Variants in OXA1L observed in about 807,000 individuals in gnomAD.
OXA1L encodes mitochondrial inner membrane protein OXA1L.
OXA1L carries 42 observed loss-of-function variants against 52.2 expected under a neutral mutation model. The ratio of observed to expected loss-of-function variants is 0.80; its 90% confidence interval spans 0.63 to 1.04. The LOEUF is 1.04. OXA1L is among the 50% of genes least tolerant of loss of function. The pLI is 0.00. For synonymous variants in OXA1L, 239 were observed against 201.9 expected (o/e 1.18, Z -1.56); for missense variants, 572 against 555.0 (o/e 1.03, Z -0.31).
At chr14:22,766,790 C>T (rs2038408659) in intron 1 of OXA1L, 26 bp downstream of exon 1, 2 of 1,613,416 alleles carry the variant, frequency 1.2e-6, no homozygotes, top group East Asian at 2.2e-5. Context: ...GGCAGAGCAC[C>T]GGGATGCTGC....
chr14:22,767,592 G>C, intron 2 of OXA1L, 183 bp downstream of exon 2: 1 of 572,064 alleles, frequency 1.7e-6, no homozygotes, highest in South Asian at 2.5e-5. Flanking sequence ...ATGATTGAAA[G>C]TACAACAGGA....
At chr14:22,769,228 C>T (rs1481743555) in intron 3 of OXA1L, among the ~76,000 whole-genome samples, 1 of 152,154 alleles carries the variant, frequency 6.6e-6, no homozygotes, top group Non-Finnish European at 1.5e-5. Flanking sequence ...GCCTCTGGTA[C>T]CTTCCTTCTA....
Position 22,771,785 on chromosome 14 carries a change from T to G in OXA1L, c.*227T>G, listed in dbSNP as rs2038468609. 2 of 533,010 alleles carry G rather than the reference T, an allele frequency of 3.8e-6. No individual in the cohort carries two copies. Among genetic ancestry groups the G allele is most frequent in the Non-Finnish European group, 6.7e-6 (2 of 298,236 alleles). The allele number at this position is 533,010 out of a possible 1,614,324, so 33.0% of individuals were successfully genotyped here. ...AGAGTTAGTAAACCTCTGTACTACA[T>G]GCTGCTTCCTGATACTTATTGAACA... On this transcript the variant is annotated 3_prime_UTR_variant, in exon 10 of 10. Transcript: ENST00000612549.
At position 22,771,169 on chromosome 14, in the gene OXA1L, G is replaced by A. The variant is rs759986659; in HGVS notation, c.1091G>A (p.Ser364Asn). Residue 364 changes from serine (S) to asparagine (N), a missense_variant, in exon 8 of 10, where the codon AGC becomes AAC. Transcript: ENST00000612549. Reference protein sequence around the residue: ...KLPPREGFLESFKKGWKNAEM... With the variant: ...KLPPREGFLENFKKGWKNAEM... ...CCTCCACGGGAAGGCTTCCTAGAGA[G>A]CTTCAAAAAAGGTAAGGGCTCATCC... The A allele has an allele frequency of 1.2e-6, 2 of 1,612,996 alleles. No homozygotes were observed. The highest frequency in any genetic ancestry group is 1.3e-5 in the African/African-American group (1 of 74,788).
rs2038491282 is a variant in OXA1L at position 22,772,587 on chromosome 14, C to T, written c.*1029C>T. 6.7e-6 allele frequency: 1 copy of T among 148,262 alleles called. No individual in the cohort carries two copies. The highest frequency in any genetic ancestry group is 1.5e-5 in the Non-Finnish European group (1 of 67,648). The allele number at this position is 148,262 out of a possible 1,614,324, so 9.2% of individuals were successfully genotyped here. On this transcript the variant is annotated 3_prime_UTR_variant, in exon 10 of 10. Coordinates refer to ENST00000612549, the MANE Select transcript of OXA1L (RefSeq NM_005015.5). The stretch of plus-strand genomic sequence containing the variant: ...TTTGGATTGCAGTCTAGAGGTGTGG[C>T]TGATAAGTTGAATGTTGAGATTGTA...
rs2038498426 is a variant in OXA1L at position 22,772,991 on chromosome 14, A to G, written c.*1433A>G. On this transcript the variant is annotated 3_prime_UTR_variant, in exon 10 of 10. Coordinates refer to ENST00000612549, the MANE Select transcript of OXA1L (RefSeq NM_005015.5). ...GGCTACAGAGCAAGATCCTGTCTCAAAAAGGAAGTTCATGTCATTTTTATG... is the reference window on the plus strand; with the variant it reads ...GGCTACAGAGCAAGATCCTGTCTCAGAAAGGAAGTTCATGTCATTTTTATG... 1 of 260,726 alleles carries G rather than the reference A, an allele frequency of 3.8e-6. No homozygotes were observed. Among genetic ancestry groups the G allele is most frequent in the Non-Finnish European group, 7.4e-6 (1 of 134,604 alleles). 16.2% of individuals were successfully genotyped at this position (260,726 alleles called of 1,614,324 possible).
chr14:22,771,094 G>T lies in OXA1L; in HGVS notation c.1016G>T (p.Arg339Leu), dbSNP rs148343797. The change falls in exon 8 of 10, where the codon CGC becomes CTC. Residue 339 changes from arginine (R) to leucine (L), a missense_variant. Physicochemically the swap from Arg to Leu is moderately radical, Grantham distance 102. Coordinates refer to ENST00000612549, the MANE Select transcript of OXA1L (RefSeq NM_005015.5). ...TCCTGTCTCCGGATTCCAGCAGTAC[G>T]CACTGTACTTAAAATCCCCCAGCGT... ...QVSCLRIPAV[R>L]TVLKIPQRVV... 9.9e-6 allele frequency: 16 copies of T among 1,614,012 alleles called. No individual in the cohort carries two copies. The Middle Eastern group carries it at 4.9e-4, about 50-fold the overall frequency.
rs2038469352 is a variant in OXA1L at position 22,771,850 on chromosome 14, A to C, written c.*292A>C. ...CACTTCAGAAAACTGAAGAATACCC[A>C]GCATTTTGGGAGGCCGAGGTGGGTG... On this transcript the variant is annotated 3_prime_UTR_variant, in exon 10 of 10. Transcript: ENST00000612549. 7 of 318,654 alleles carry C rather than the reference A, an allele frequency of 2.2e-5. No homozygotes were observed. The highest frequency in any genetic ancestry group is 4.1e-5 in the Non-Finnish European group (7 of 171,236). 19.7% of individuals were successfully genotyped at this position (318,654 alleles called of 1,614,324 possible). A position where few individuals can be genotyped will look rare whatever the true frequency, so the allele number is the denominator to read the frequency against.
Position 22,769,828 on chromosome 14 carries a change from C to A in OXA1L, c.477C>A (p.Ile159=). 1 of 1,614,142 alleles carries A rather than the reference C, an allele frequency of 6.2e-7. No individual in the cohort carries two copies. The highest frequency in any genetic ancestry group is 1.7e-4 in the Middle Eastern group (1 of 6,060). The change falls in exon 4 of 10, where the codon ATC becomes ATA. Residue 159 remains isoleucine (I), a synonymous_variant. Transcript: ENST00000612549. ...CCCGCTGCCTGATTTTTCCTCTCAT[C>A]GTGACGGGCCAGCGAGAGGCAGCCA... is the stretch of plus-strand genomic sequence containing the variant. ...VFARCLIFPL[I]VTGQREAARI... is the part of the protein sequence containing the mutation.
chr14:22,766,942 A>C, intron 1 of OXA1L, 178 bp downstream of exon 1: 2 of 1,514,946 alleles, frequency 1.3e-6, no homozygotes, highest in Non-Finnish European at 1.8e-6. Context: ...TGGGCCCAGC[A>C]GCCCGGTGTC....
At position 22,772,531 on chromosome 14, in the gene OXA1L, T is replaced by G. The variant is rs1006702527; in HGVS notation, c.*973T>G. 1.5e-5 allele frequency: 2 copies of G among 130,754 alleles called. No individual in the cohort carries two copies. Among genetic ancestry groups the G allele is most frequent in the African/African-American group, 6.1e-5 (2 of 32,698 alleles). 8.1% of individuals were successfully genotyped at this position (130,754 alleles called of 1,614,324 possible). The stretch of plus-strand genomic sequence containing the variant: ...AAAAAAAAAAAAAACAGTTTAAACT[T>G]CCAACCCATGCATGTGTTGTTCTAT... On this transcript the variant is annotated 3_prime_UTR_variant, in exon 10 of 10. Transcript: ENST00000612549.
chr14:22,766,829 A>G (rs1199154653), intron 1 of OXA1L, 65 bp downstream of exon 1: 4 of 1,601,052 alleles, frequency 2.5e-6, no homozygotes, highest in Admixed American at 3.4e-5. Context: ...GCCCCAGGAC[A>G]GCTCGTGCTA....
intron 3 of OXA1L, chr14:22,768,501 C>CTA: frequency 1.9e-5 from 6 of 312,412 alleles, no homozygotes; most frequent in South Asian, 7.1e-5. Context: ...AATTGGGAAG[C>CTA]CACTAGCATT....
rs996665119 is a variant in OXA1L at position 22,772,553 on chromosome 14, C to G, written c.*995C>G. On this transcript the variant is annotated 3_prime_UTR_variant, in exon 10 of 10. Transcript: ENST00000612549. ...ACTTCCAACCCATGCATGTGTTGTT[C>G]TATGCACATTTGGATTGCAGTCTAG... 4.3e-5 allele frequency: 6 copies of G among 140,146 alleles called. No individual in the cohort carries two copies. Among genetic ancestry groups the G allele is most frequent in the African/African-American group, 1.6e-4 (6 of 36,520 alleles). The allele number at this position is 140,146 out of a possible 1,614,324, so 8.7% of individuals were successfully genotyped here.
In OXA1L at chr14:22,768,066, G is replaced by C; in HGVS notation, c.334G>C (p.Ala112Pro). The C allele has an allele frequency of 6.2e-7, 1 of 1,614,164 alleles. No individual in the cohort carries two copies. The change falls in exon 3 of 10, where the codon GCT becomes CCT. Residue 112 changes from alanine to proline, a missense_variant. By Grantham distance (27) the Ala-to-Pro change is conservative. This residue lies in a region of OXA1L where 186 missense variants were observed against 151.8 expected (regional missense o/e 1.23). Coordinates refer to ENST00000612549, the MANE Select transcript of OXA1L (RefSeq NM_005015.5). ...CCAAACTGCTGCAGAGCAGAGCTTC[G>C]CTGAACTGGGGCTGGGGTCATACAC... ...VVQTAAEQSF[A>P]ELGLGSYTPV... is the part of the protein sequence containing the mutation.
At chr14:22,767,681 A>C (rs1478074258) in intron 2 of OXA1L, 6 of 499,482 alleles carry the variant, frequency 1.2e-5, no homozygotes, top group Non-Finnish European at 2.1e-5. Flanking sequence ...AAATCATGAT[A>C]GTGATATTCA....
At chr14:22,767,611 A>G in intron 2 of OXA1L, 3 of 540,432 alleles carry the variant, frequency 5.6e-6, no homozygotes, top group Admixed American at 7.3e-5. Context: ...GAGAGATGTT[A>G]TATTTGGTTT....
In OXA1L at chr14:22,768,046, C is replaced by T. The variant is rs748420968; in HGVS notation, c.314C>T (p.Thr105Ile). The change falls in exon 3 of 10, where the codon ACT (threonine) becomes ATT (isoleucine). Residue 105 changes from threonine (T) to isoleucine (I), a missense_variant. Transcript: ENST00000612549. ...ASGETADVVQ[T>I]AAEQSFAELG... ...GGAGAGACTGCAGATGTAGTCCAAA[C>T]TGCTGCAGAGCAGAGCTTCGCTGAA... is the stretch of plus-strand genomic sequence containing the variant. The T allele has an allele frequency of 6.2e-7, 1 of 1,614,208 alleles. No homozygotes were observed. The highest frequency in any genetic ancestry group is 1.7e-5 in the Admixed American group (1 of 60,028).
At position 22,766,780 on chromosome 14, in the gene OXA1L, G is replaced by A. The variant is rs754366799; in HGVS notation, c.63+16G>A. The A allele has an allele frequency of 1.1e-5, 18 of 1,613,732 alleles. No homozygotes were observed. Among genetic ancestry groups the A allele is most frequent in the Admixed American group, 1.7e-5 (1 of 59,992 alleles). On this transcript the variant is annotated intron_variant, in intron 1 of 9. Transcript: ENST00000612549. ...CGGGCGTCGGGTAAGGATGCCCCGG[G>A]GCAGAGCACCGGGATGCTGCCCTGA...
Sources: gnomAD v4.1 joint callset for allele counts (sites outside exome capture counted in the v4.1 genomes callset) on GRCh38, gnomAD v4.1.1 for gene constraint, gnomAD v4.1.1 regional missense constraint, MANE v1.5 for transcripts, NCBI Gene and HGNC (gene_info 2026-07-23, HGNC 2026-07-21) for gene names.